Variants in TACR1 observed in about 807,000 individuals in gnomAD.
TACR1 encodes the protein tachykinin receptor 1.
In TACR1, 25 loss-of-function variants were observed where a neutral mutation model predicts 35.8. The ratio of observed to expected loss-of-function variants is 0.70; its 90% CI spans 0.51 to 0.98. TACR1 has a LOEUF of 0.98. Among genes scored for constraint, TACR1 ranks in the 50% least tolerant of loss-of-function variants. The probability of loss-of-function intolerance (pLI) is 0.00; values close to 1 mark genes in which losing one functional copy is unlikely to be tolerated. For missense variants in TACR1, 478 were observed against 522.9 expected (o/e 0.91, Z 0.84); for synonymous variants, 195 against 206.7 (o/e 0.94, Z 0.48).
chr2:75,070,489 G>A (rs981154405), intron 2 of TACR1, among the ~76,000 whole-genome samples: 7 of 152,146 alleles, frequency 4.6e-5, no homozygotes, highest in Non-Finnish European at 7.4e-5. Flanking sequence ...TTCAGAGTGA[G>A]TAAAATTATC....
At chr2:75,056,395 A>G (rs544977325) in intron 2 of TACR1, among the ~76,000 whole-genome samples, 1 of 152,314 alleles carries the variant, frequency 6.6e-6, no homozygotes, top group East Asian at 1.9e-4. Context: ...CTAATCACCC[A>G]ACGGCAGGCA....
intron 1 of TACR1, among the ~76,000 whole-genome samples, chr2:75,124,398 G>T (rs960003845): frequency 6.6e-6 from 1 of 152,146 alleles, no homozygotes; most frequent in African/African-American, 2.4e-5. Flanking sequence ...GATGAGATTT[G>T]TCCAGTGGGG....
intron 2 of TACR1, among the ~76,000 whole-genome samples, chr2:75,088,335 C>A (rs1208522437): frequency 6.8e-6 from 1 of 146,796 alleles, no homozygotes. Context: ...CTCCACGCAG[C>A]TAACTCCTCA....
At chr2:75,050,827 A>T (rs1243379724) in intron 4 of TACR1, among the ~76,000 whole-genome samples, 1 of 152,176 alleles carries the variant, frequency 6.6e-6, no homozygotes, top group Non-Finnish European at 1.5e-5. Flanking sequence ...CTGTGGGGGG[A>T]TGAAATTCTC....
chr2:75,187,495 T>A (rs1375277134), intron 1 of TACR1: 3 of 152,228 alleles, frequency 2.0e-5, no homozygotes, highest in Non-Finnish European at 4.4e-5. Context: ...ATTGGCACAG[T>A]TCCGAGGTCT....
intron 1 of TACR1, among the ~76,000 whole-genome samples, chr2:75,129,566 C>T (rs770297432): frequency 2.0e-5 from 3 of 152,128 alleles, no homozygotes; most frequent in African/African-American, 4.8e-5. Context: ...CATTACACAT[C>T]GTATAGATGT....
At position 75,049,540 on chromosome 2, in the gene TACR1, G is replaced by A. The variant is rs774156672; in HGVS notation, c.1116C>T (p.Gly372=). 6.2e-7 allele frequency: 1 copy of A among 1,614,164 alleles called. No individual in the cohort carries two copies. The highest frequency in any genetic ancestry group is 1.7e-5 in the Admixed American group (1 of 60,028). Residue 372 remains glycine, a synonymous_variant, in exon 5 of 5, where the codon GGC becomes GGT. Transcript: ENST00000305249. ...CCAGGGACGAGGGTGTGGCCTTGGG[G>A]CCGTCCTCTGGCTCCTCCTCGTGGG... The part of the protein sequence containing the change: ...VGAHEEEPED[G]PKATPSSLDL...
At chr2:75,183,380 A>G (rs1289015291) in intron 1 of TACR1, among the ~76,000 whole-genome samples, 1 of 152,196 alleles carries the variant, frequency 6.6e-6, no homozygotes, top group Admixed American at 6.5e-5. Context: ...TGCAGCGTTT[A>G]TCTATGTTTT....
intron 1 of TACR1, among the ~76,000 whole-genome samples, chr2:75,181,463 C>T (rs535245663): frequency 6.6e-6 from 1 of 152,158 alleles, no homozygotes; most frequent in African/African-American, 2.4e-5. Flanking sequence ...TATCTTTCCC[C>T]ATATAAAATG....
At chr2:75,086,161 T>A (rs891337999) in intron 2 of TACR1, among the ~76,000 whole-genome samples, 2 of 152,212 alleles carry the variant, frequency 1.3e-5, no homozygotes, top group Non-Finnish European at 1.5e-5. Context: ...ATTATTGGTC[T>A]CCTCAAACTT....
chr2:75,189,438 G>C (rs1340829723), intron 1 of TACR1: 1 of 152,242 alleles, frequency 6.6e-6, no homozygotes, highest in East Asian at 1.9e-4. Context: ...TTCTATGTAA[G>C]TAGTGCATGT....
chr2:75,089,408 T>C (rs370905566), intron 2 of TACR1, among the ~76,000 whole-genome samples: 6 of 152,230 alleles, frequency 3.9e-5, no homozygotes, highest in Admixed American at 1.3e-4. Flanking sequence ...TAACTTTTCA[T>C]TGGACTCCTC....
At chr2:75,154,479 ACTAACC>A (rs1674780022) in intron 1 of TACR1, 1 of 50,844 alleles carries the variant, frequency 2.0e-5, no homozygotes, top group Non-Finnish European at 4.1e-5. Context: ...GAGATTCAGC[ACTAACC>A]CACCACACAC....
intron 2 of TACR1, among the ~76,000 whole-genome samples, chr2:75,106,714 C>G (rs1339038307): frequency 6.6e-6 from 1 of 151,564 alleles, no homozygotes; most frequent in East Asian, 1.9e-4. Context: ...ATGTTAATAG[C>G]TATGGAAGTA....
At chr2:75,148,691 A>G (rs967896590) in intron 1 of TACR1, among the ~76,000 whole-genome samples, 4 of 152,096 alleles carry the variant, frequency 2.6e-5, no homozygotes, top group African/African-American at 7.2e-5. Context: ...TTCTGATGAT[A>G]GTTTCTTTTG....
Position 75,120,566 on chromosome 2 carries a change from C to G in TACR1, c.584+8G>C. ...GTTTCTTTGGCATGGGGAGTCATCT[C>G]TACTCACACTTTCTCATAAATCTTG... On this transcript the variant is annotated splice_region_variant and intron_variant, in intron 2 of 4. Coordinates refer to ENST00000305249, the MANE Select transcript of TACR1 (RefSeq NM_001058.4). The G allele has an allele frequency of 1.9e-6, 3 of 1,593,690 alleles. No individual in the cohort carries two copies. Among genetic ancestry groups the G allele is most frequent in the Non-Finnish European group, 2.6e-6 (3 of 1,166,606 alleles).
At chr2:75,099,995 A>G (rs1029769207) in intron 2 of TACR1, among the ~76,000 whole-genome samples, 3 of 152,206 alleles carry the variant, frequency 2.0e-5, no homozygotes, top group African/African-American at 4.8e-5. Context: ...AATAAAGCAT[A>G]AACTCAGTGA....
At chr2:75,068,829 T>A (rs1030220398) in intron 2 of TACR1, among the ~76,000 whole-genome samples, 1 of 152,092 alleles carries the variant, frequency 6.6e-6, no homozygotes, top group Non-Finnish European at 1.5e-5. Flanking sequence ...AATTCTCCAT[T>A]GTAGAGATTA....
At chr2:75,097,030 G>A (rs1673436786) in intron 2 of TACR1, among the ~76,000 whole-genome samples, 1 of 152,184 alleles carries the variant, frequency 6.6e-6, no homozygotes, top group South Asian at 2.1e-4. Flanking sequence ...CCTGGAAAAT[G>A]ACATTACTAT....
Sources: gnomAD v4.1 joint callset for allele counts (sites outside exome capture counted in the v4.1 genomes callset) on GRCh38, gnomAD v4.1.1 for gene constraint, MANE v1.5 for transcripts, NCBI Gene and HGNC (gene_info 2026-07-23, HGNC 2026-07-21) for gene names.